The following VIRMA variants were observed in gnomAD, a reference collection of about 807,000 sequenced individuals.
VIRMA encodes vir like m6A methyltransferase associated.
In VIRMA, 65 loss-of-function variants were observed where a neutral mutation model predicts 182.4. That is an observed-to-expected ratio of 0.36 (90% CI 0.29 to 0.44). The LOEUF is 0.44. Ranked by LOEUF, VIRMA falls within the 20% of genes least tolerant of loss-of-function variation. VIRMA has a pLI of 1.00. For missense variants in VIRMA, 1,752 were observed against 2,158.1 expected (o/e 0.81, Z 3.73); for synonymous variants, 709 against 743.1 (o/e 0.95, Z 0.75).
intron 8 of VIRMA, among the ~76,000 whole-genome samples, chr8:94,525,541 T>C (rs988489855): frequency 1.3e-5 from 2 of 152,128 alleles, no homozygotes; most frequent in African/African-American, 4.8e-5. Context: ...ACATATCCCA[T>C]CCCCTGGGAA....
chr8:94,523,240 A>T (rs544140364), intron 8 of VIRMA, among the ~76,000 whole-genome samples: 2 of 152,078 alleles, frequency 1.3e-5, no homozygotes, highest in East Asian at 3.9e-4. Flanking sequence ...GTTATTGTTT[A>T]CTCCTACATC....
chr8:94,513,867 G>A (rs1018816802), intron 11 of VIRMA, among the ~76,000 whole-genome samples: 1 of 152,144 alleles, frequency 6.6e-6, no homozygotes. Flanking sequence ...TAAGAACACG[G>A]AAGAATATGA....
In VIRMA at chr8:94,537,113, G is replaced by A; in HGVS notation, c.305C>T (p.Pro102Leu). 1 of 1,603,050 alleles carries A rather than the reference G, an allele frequency of 6.2e-7. No individual in the cohort carries two copies. The highest frequency in any genetic ancestry group is 8.5e-7 in the Non-Finnish European group (1 of 1,170,088). Reference sequence around the variant, plus strand: ...GACTTCCAGAATTACCTTTGAGTTAGGTCTAAAGATGATGGAAGTATTCTC... The same window carrying A: ...GACTTCCAGAATTACCTTTGAGTTAAGTCTAAAGATGATGGAAGTATTCTC... ...YDENTSIIFR[P>L]NSKVNTDGLV... The change falls in exon 4 of 24, where the codon CCT becomes CTT. Residue 102 changes from proline (P) to leucine (L), a missense_variant. Around this residue, in one of 11 missense-constraint regions of VIRMA, gnomAD observed 195 missense variants for 191.7 expected, o/e 1.02. Transcript: ENST00000297591.
At chr8:94,512,451 C>T (rs1814412049) in intron 11 of VIRMA, 1 of 152,646 alleles carries the variant, frequency 6.6e-6, no homozygotes, top group Non-Finnish European at 1.5e-5. Flanking sequence ...TACATCTTCT[C>T]TGCCAAAAAT....
intron 2 of VIRMA, among the ~76,000 whole-genome samples, chr8:94,543,401 CA>C (rs1162030319): frequency 0.017 from 725 of 43,158 alleles, no homozygotes; most frequent in African/African-American, 0.028. Context: ...AACTCCATCT[CA>C]AAAAAAAAAA....
chr8:94,552,353 A>G (rs2130410120), intron 1 of VIRMA, among the ~76,000 whole-genome samples: 1 of 152,340 alleles, frequency 6.6e-6, no homozygotes, highest in South Asian at 2.1e-4. Flanking sequence ...GAACATTTTA[A>G]ACATTTTCCA....
chr8:94,547,753 T>G (rs1187624996), intron 1 of VIRMA, among the ~76,000 whole-genome samples: 1 of 150,612 alleles, frequency 6.6e-6, no homozygotes, highest in Non-Finnish European at 1.5e-5. Context: ...GTATGAGAAT[T>G]TAGTATATAA....
chr8:94,532,987 A>C (rs2130365297), intron 5 of VIRMA, among the ~76,000 whole-genome samples: 1 of 152,272 alleles, frequency 6.6e-6, no homozygotes, highest in South Asian at 2.1e-4. Context: ...AAATTAAAAA[A>C]ATTTTTTAAA....
intron 3 of VIRMA, 43 bp downstream of exon 3, chr8:94,538,217 C>G (rs757804395): frequency 1.6e-6 from 2 of 1,254,300 alleles, no homozygotes; most frequent in South Asian, 2.4e-5. Context: ...GTGTTGCTTA[C>G]TAACTCATGA....
At chr8:94,518,921 T>C (rs1814655050) in intron 9 of VIRMA, 64 bp downstream of exon 9, 14 of 1,392,472 alleles carry the variant, frequency 1.0e-5, no homozygotes, top group African/African-American at 2.9e-5. Context: ...TTTAAGAAAC[T>C]AGACCATTAG....
In VIRMA at chr8:94,537,093, C is replaced by T. The variant is rs1006470600; in HGVS notation, c.315+10G>A. The stretch of plus-strand genomic sequence containing the variant: ...GTAATGACAAGCTGAAAACTGACTT[C>T]CAGAATTACCTTTGAGTTAGGTCTA... On this transcript the variant is annotated intron_variant, in intron 4 of 23. Coordinates refer to ENST00000297591, the MANE Select transcript of VIRMA (RefSeq NM_015496.5). 6.3e-7 allele frequency: 1 copy of T among 1,583,372 alleles called. No homozygotes were observed. Among genetic ancestry groups the T allele is most frequent in the African/African-American group, 1.3e-5 (1 of 74,358 alleles).
rs770931178 is a variant in VIRMA at position 94,543,960 on chromosome 8, C to T, written c.64-18G>A. On this transcript the variant is annotated intron_variant, in intron 1 of 23. Transcript: ENST00000297591. The stretch of plus-strand genomic sequence containing the variant: ...GAACTTTGCTGTAACAAAAAAAAAG[C>T]CGGAGGGGGAGGGGTTCGGAACATT... 1.5e-6 allele frequency: 2 copies of T among 1,363,958 alleles called. No individual in the cohort carries two copies. Among genetic ancestry groups the T allele is most frequent in the Admixed American group, 1.8e-5 (1 of 56,192 alleles). 84.5% of individuals were successfully genotyped at this position (1,363,958 alleles called of 1,614,324 possible).
At chr8:94,523,650 C>T (rs955015123) in intron 8 of VIRMA, among the ~76,000 whole-genome samples, 3 of 151,878 alleles carry the variant, frequency 2.0e-5, no homozygotes, top group South Asian at 4.2e-4. Flanking sequence ...TTTTTTGAGA[C>T]GGAGTTTCGC....
At chr8:94,521,526 G>A (rs1227708574) in intron 8 of VIRMA, among the ~76,000 whole-genome samples, 2 of 152,082 alleles carry the variant, frequency 1.3e-5, no homozygotes, top group Non-Finnish European at 1.5e-5. Context: ...CCAGCTTAAT[G>A]AAAACTTCTT....
chr8:94,545,770 G>A (rs778002779), intron 1 of VIRMA, among the ~76,000 whole-genome samples: 8 of 152,100 alleles, frequency 5.3e-5, no homozygotes, highest in Non-Finnish European at 7.4e-5. Flanking sequence ...TCACAAAAGT[G>A]CAGGCTGGGA....
chr8:94,489,652 TTTC>T (rs988478929), intron 23 of VIRMA, among the ~76,000 whole-genome samples: 34 of 152,276 alleles, frequency 2.2e-4, no homozygotes, highest in Admixed American at 1.8e-3. Context: ...TTAATAACAT[TTTC>T]TTTTCTCCAG....
At chr8:94,538,013 A>G (rs565466349) in intron 3 of VIRMA, among the ~76,000 whole-genome samples, 12 of 152,372 alleles carry the variant, frequency 7.9e-5, no homozygotes, top group Non-Finnish European at 1.5e-4. Flanking sequence ...TATCATGTAT[A>G]TAAGAAACAC....
At chr8:94,516,516 C>A (rs1014072408) in intron 10 of VIRMA, among the ~76,000 whole-genome samples, 1 of 152,098 alleles carries the variant, frequency 6.6e-6, no homozygotes, top group African/African-American at 2.4e-5. Context: ...GTTCCAGATG[C>A]CATATAGGAA....
chr8:94,547,100 A>G (rs534988322), intron 1 of VIRMA: 1 of 436,734 alleles, frequency 2.3e-6, no homozygotes, highest in South Asian at 1.6e-5. Context: ...AAAGTCCTTT[A>G]TCTAGCTGAA....
Sources: gnomAD v4.1 joint callset for allele counts (sites outside exome capture counted in the v4.1 genomes callset) on GRCh38, gnomAD v4.1.1 for gene constraint, gnomAD v4.1.1 regional missense constraint, MANE v1.5 for transcripts, NCBI Gene and HGNC (gene_info 2026-07-23, HGNC 2026-07-21) for gene names.